Variants in INSL6 observed in about 807,000 individuals in gnomAD.
INSL6 encodes insulin-like peptide INSL6.
A neutral mutation model predicts 9.4 loss-of-function variants in INSL6; 16 were observed. The observed-to-expected ratio is 1.70, with a 90% CI of 1.15 to 2.59. The LOEUF (loss-of-function observed/expected upper bound fraction) is 2.59, where lower values mean the gene tolerates loss of function less well. Ranked by LOEUF, INSL6 falls within the 30% of genes most tolerant of loss-of-function variation. The pLI is 0.00. For missense variants in INSL6, 391 were observed against 257.3 expected (o/e 1.52, Z -3.56); for synonymous variants, 154 against 96.9 (o/e 1.59, Z -3.46).
chr9:5,100,108 AG>A, the INSL6 span: 1 of 152,256 alleles, frequency 6.6e-6, no homozygotes, highest in Non-Finnish European at 1.5e-5. Flanking sequence ...ATTAGCTATT[AG>A]TTTTCCCACA....
the INSL6 span, among the ~76,000 whole-genome samples, chr9:5,002,078 A>AT: frequency 6.6e-6 from 1 of 151,922 alleles, no homozygotes; most frequent in South Asian, 2.1e-4. Context: ...CTGTTTGTAA[A>AT]TTGATCATCT....
intron 1 of INSL6, among the ~76,000 whole-genome samples, chr9:5,173,846 A>G (rs1423357774): frequency 2.0e-5 from 3 of 152,124 alleles, no homozygotes; most frequent in Non-Finnish European, 4.4e-5. Flanking sequence ...AAAACCTATC[A>G]ACTTAGTTTA....
the INSL6 span, among the ~76,000 whole-genome samples, chr9:5,064,103 C>G: frequency 6.6e-5 from 10 of 152,308 alleles, no homozygotes; most frequent in African/African-American, 2.4e-4. Context: ...TTGCAGTGAG[C>G]CAAGATCGCG....
At position 5,175,354 on chromosome 9, in the gene INSL6, C is replaced by A. The variant is rs80300521; in HGVS notation, c.289+9960G>T. 1.6e-3 allele frequency among the ~76,000 whole-genome samples: 240 copies of A among 152,280 alleles called. 1 individual carries two copies. Among genetic ancestry groups the A allele is most frequent in the African/African-American group, 5.1e-3 (213 of 41,568 alleles). On this transcript the variant is annotated intron_variant, in intron 1 of 1. Transcript: ENST00000381641. The stretch of plus-strand genomic sequence containing the variant: ...TTCTATCATCCTCATCTAAGACCCT[C>A]CCTAACAGGTCTCTCTGTTTCTACT...
At chr9:5,173,333 A>G (rs889689384) in intron 1 of INSL6, among the ~76,000 whole-genome samples, 13 of 152,232 alleles carry the variant, frequency 8.5e-5, no homozygotes, top group African/African-American at 3.1e-4. Context: ...AGCACTATTC[A>G]CAATAGCAAA....
the INSL6 span, among the ~76,000 whole-genome samples, chr9:5,073,402 G>T: frequency 6.6e-6 from 1 of 152,178 alleles, no homozygotes; most frequent in African/African-American, 2.4e-5. Flanking sequence ...TTGTACTTCT[G>T]TCCTCTATTT....
chr9:5,027,792 C>T, the INSL6 span, among the ~76,000 whole-genome samples: 1 of 152,212 alleles, frequency 6.6e-6, no homozygotes, highest in East Asian at 1.9e-4. Flanking sequence ...TTTCTTTGCT[C>T]ATCCATAAAA....
At chr9:5,106,504 G>T in the INSL6 span, among the ~76,000 whole-genome samples, 2 of 152,130 alleles carry the variant, frequency 1.3e-5, no homozygotes, top group East Asian at 1.9e-4. Flanking sequence ...ACTCCTCAAG[G>T]ATCTAGAACT....
the INSL6 span, among the ~76,000 whole-genome samples, chr9:5,115,348 A>T: frequency 6.6e-6 from 1 of 152,226 alleles, no homozygotes; most frequent in Non-Finnish European, 1.5e-5. Flanking sequence ...ATGCAAATCA[A>T]AACCAGAGTG....
At chr9:5,029,024 T>C in the INSL6 span, among the ~76,000 whole-genome samples, 2 of 152,250 alleles carry the variant, frequency 1.3e-5, no homozygotes, top group Non-Finnish European at 2.9e-5. Context: ...GATTGACTGG[T>C]GCAGGAGGCC....
chr9:5,104,361 C>T, the INSL6 span, among the ~76,000 whole-genome samples: 1 of 152,184 alleles, frequency 6.6e-6, no homozygotes, highest in East Asian at 1.9e-4. Context: ...AAGACTAAAC[C>T]AGGAAGAAGT....
In INSL6 at chr9:5,170,556, C is replaced by CTT. The variant is rs202135593; in HGVS notation, c.290-6293_290-6292dup. 2.9e-3 allele frequency among the ~76,000 whole-genome samples: 405 copies of CTT among 138,334 alleles called. 1 individual carries two copies. Among genetic ancestry groups the CTT allele is most frequent in the African/African-American group, 8.1e-3 (306 of 37,926 alleles). The allele number at this position is 138,334 out of a possible 152,430, so 90.8% of individuals were successfully genotyped here. ...TTCAAACAATCAATGAATCCAGGGG[C>CTT]TTTTTTTTTTTTTGGAAAAACTAAT... On this transcript the variant is annotated intron_variant, in intron 1 of 1. Transcript: ENST00000381641.
In INSL6 at chr9:5,142,846, G is replaced by A. The variant is rs576773523; in HGVS notation, c.377-9254C>T. ...TATTGGCTGTGGGCTTGTCATATAC[G>A]GCTCTTGTTATTTTGAGGTATATTC... On this transcript the variant is annotated intron_variant, in intron 2 of 3. Coordinates refer to the INSL6 transcript ENST00000649639. Among the ~76,000 whole-genome samples, 4 of 152,100 alleles carry A rather than the reference G, an allele frequency of 2.6e-5. No individual in the cohort carries two copies. In the East Asian group the frequency reaches 7.7e-4, roughly 29 times the overall value.
At chr9:5,086,137 G>A in the INSL6 span, 1 of 372,964 alleles carries the variant, frequency 2.7e-6, no homozygotes, top group South Asian at 3.4e-5. Flanking sequence ...CGGCCCCGGC[G>A]GCCCCGCAAG....
the INSL6 span, among the ~76,000 whole-genome samples, chr9:5,083,951 A>G: frequency 1.3e-5 from 2 of 152,012 alleles, no homozygotes; most frequent in Admixed American, 6.5e-5. Flanking sequence ...TCATATATCA[A>G]GATTTTCCCA....
chr9:4,993,030 C>T, the INSL6 span, among the ~76,000 whole-genome samples: 1 of 152,194 alleles, frequency 6.6e-6, no homozygotes, highest in African/African-American at 2.4e-5. Context: ...TGCTTCCTGC[C>T]TGTAGTGCTC....
chr9:5,039,252 A>G, the INSL6 span, among the ~76,000 whole-genome samples: 1 of 152,160 alleles, frequency 6.6e-6, no homozygotes, highest in Admixed American at 6.5e-5. Context: ...TTTCACATCC[A>G]TGGATTAAAC....
chr9:5,142,894 C>T (rs1586859792), intron 2 of INSL6, among the ~76,000 whole-genome samples: 1 of 152,152 alleles, frequency 6.6e-6, no homozygotes, highest in Admixed American at 6.6e-5. Context: ...AGTTTATTGA[C>T]AGTTTAACAT....
intron 3 of INSL6, among the ~76,000 whole-genome samples, chr9:5,133,218 G>A (rs989264531): frequency 1.3e-5 from 2 of 150,972 alleles, no homozygotes; most frequent in South Asian, 2.1e-4. Context: ...TGGTGGGAAA[G>A]TTGGGGGAGG....
Sources: allele counts gnomAD v4.1 joint callset (sites outside exome capture counted in the v4.1 genomes callset), GRCh38; gene constraint gnomAD v4.1.1; transcripts MANE v1.5; gene names NCBI Gene and HGNC (gene_info 2026-07-23, HGNC 2026-07-21).